BRDT: variants seen among roughly 807,000 people sequenced by gnomAD.
BRDT encodes bromodomain testis-specific protein.
A neutral mutation model predicts 113.9 loss-of-function variants in BRDT; 77 were observed. That is an observed-to-expected ratio of 0.68 (90% CI 0.56 to 0.82). The LOEUF is 0.82. Among genes scored for constraint, BRDT ranks in the 40% least tolerant of loss-of-function variants. The pLI, the probability that BRDT is intolerant of heterozygous loss-of-function variation, is 0.00. For missense variants in BRDT, 1,027 were observed against 1,105.4 expected, an observed-to-expected ratio of 0.93 and a Z score of 1.01; for synonymous variants, 358 against 366.5, an observed-to-expected ratio of 0.98 and a Z score of 0.26.
At chr1:92,000,998 A>G (rs1336456097) in intron 15 of BRDT, among the ~76,000 whole-genome samples, 2 of 152,216 alleles carry the variant, frequency 1.3e-5, no homozygotes, top group African/African-American at 4.8e-5. Context: ...CCTCAGAGTC[A>G]GACTTACTGC....
intron 18 of BRDT, among the ~76,000 whole-genome samples, chr1:92,011,905 CTTGACCAAACTT>C (rs1687830911): frequency 6.6e-6 from 1 of 152,186 alleles, no homozygotes. Flanking sequence ...TGCCAGTTAC[CTTGACCAAACTT>C]TTGATCTTAA....
At chr1:91,993,996 A>T (rs1416207079) in intron 14 of BRDT, 87 bp from the exon 15 acceptor site, 1 of 1,075,620 alleles carries the variant, frequency 9.3e-7, no homozygotes, top group African/African-American at 1.6e-5. Flanking sequence ...GCATTAAATT[A>T]TATTCTTGAC....
chr1:91,972,831 C>G (rs1194942341), intron 4 of BRDT, among the ~76,000 whole-genome samples: 2 of 152,154 alleles, frequency 1.3e-5, no homozygotes, highest in African/African-American at 4.8e-5. Context: ...ACAACTCAGA[C>G]ATTGAGGAAT....
chr1:91,994,747 A>G (rs1310432771), intron 15 of BRDT, among the ~76,000 whole-genome samples: 3 of 150,086 alleles, frequency 2.0e-5, no homozygotes, highest in Admixed American at 6.6e-5. Flanking sequence ...GGGCGCCTGT[A>G]GTCCCAGCTA....
chr1:92,004,311 G>A (rs1687098243), intron 16 of BRDT, 103 bp from the exon 17 acceptor site: 1 of 709,828 alleles, frequency 1.4e-6, no homozygotes, highest in Non-Finnish European at 2.3e-6. Flanking sequence ...AAGCCCTTTA[G>A]AATCTTAATT....
At position 91,991,193 on chromosome 1, in the gene BRDT, C is replaced by A; in HGVS notation, c.2012C>A (p.Pro671His). 6.5e-7 allele frequency: 1 copy of A among 1,534,760 alleles called. No homozygotes were observed. Among genetic ancestry groups the A allele is most frequent in the South Asian group, 1.2e-5 (1 of 85,022 alleles). The change falls in exon 13 of 19, where the codon CCT becomes CAT. Residue 671 changes from proline (P) to histidine (H), a missense_variant. Physicochemically the swap from Pro to His is moderately conservative, Grantham distance 77. Transcript: ENST00000399546. ...DSSDSESEMF[P>H]KFTEVKPNDS... ...GTGTATACATTTGCAGAAATGTTCC[C>A]TAAGTTTACAGAAGTAAAACCAAAT...
chr1:91,961,463 C>G (rs2101557386), intron 1 of BRDT, among the ~76,000 whole-genome samples: 1 of 152,168 alleles, frequency 6.6e-6, no homozygotes. Context: ...AACCCTGTCT[C>G]TACAAAAAAA....
rs1686285206 is a variant in BRDT at position 91,995,926 on chromosome 1, C to T, written c.2287+1672C>T. 2.6e-5 allele frequency among the ~76,000 whole-genome samples: 4 copies of T among 152,150 alleles called. No individual in the cohort carries two copies. In the South Asian group the frequency reaches 8.3e-4, roughly 32 times the overall value. ...TCTGTGTTTGAATATTCCATTTTGT[C>T]TTTAATTAAAGTTATATCTCTTCAT... On this transcript the variant is annotated intron_variant, in intron 15 of 18. Transcript: ENST00000399546.
chr1:91,979,116 C>CTT (rs77923577), intron 7 of BRDT, among the ~76,000 whole-genome samples: 189 of 138,412 alleles, frequency 1.4e-3, no homozygotes, highest in African/African-American at 4.2e-3. Context: ...AAGCATGAGT[C>CTT]TTTTTTTTTT....
chr1:91,966,052 A>G (rs1396065584), intron 3 of BRDT, among the ~76,000 whole-genome samples: 2 of 151,886 alleles, frequency 1.3e-5, no homozygotes, highest in Non-Finnish European at 2.9e-5. Flanking sequence ...ATTTTTTGAG[A>G]TGGAGTCTCG....
intron 4 of BRDT, among the ~76,000 whole-genome samples, chr1:91,974,007 A>G (rs1235351824): frequency 6.6e-6 from 1 of 152,222 alleles, no homozygotes; most frequent in Non-Finnish European, 1.5e-5. Flanking sequence ...CTGATCTTTG[A>G]CAAACCTGAC....
chr1:91,975,289 AT>A (rs200394899), intron 4 of BRDT, among the ~76,000 whole-genome samples: 7 of 151,628 alleles, frequency 4.6e-5, no homozygotes, highest in East Asian at 1.9e-4. Context: ...AATAAAAAAA[AT>A]TTTAAAAAAA....
chr1:92,002,172 A>C, intron 16 of BRDT, 23 bp downstream of exon 16: 1 of 1,540,824 alleles, frequency 6.5e-7, no homozygotes, highest in Non-Finnish European at 9.0e-7. Flanking sequence ...TTTTTTTTCT[A>C]ACAAATCTTG....
At chr1:91,956,768 G>A (rs895646678) in intron 1 of BRDT, among the ~76,000 whole-genome samples, 1 of 151,960 alleles carries the variant, frequency 6.6e-6, no homozygotes, top group African/African-American at 2.4e-5. Context: ...TGAGACTCTG[G>A]CTCCCCCCCT....
At chr1:91,986,645 C>CT (rs1570567598) in intron 12 of BRDT, among the ~76,000 whole-genome samples, 1 of 151,978 alleles carries the variant, frequency 6.6e-6, no homozygotes, top group East Asian at 1.9e-4. Flanking sequence ...ACATTTGTTT[C>CT]TTTTTTTAAA....
intron 13 of BRDT, among the ~76,000 whole-genome samples, chr1:91,991,758 C>T (rs1017794078): frequency 3.3e-5 from 5 of 151,968 alleles, no homozygotes; most frequent in Admixed American, 1.3e-4. Context: ...TTTGGGAGGC[C>T]GAGGCGGGCA....
intron 4 of BRDT, among the ~76,000 whole-genome samples, chr1:91,972,543 T>C (rs1252075692): frequency 6.6e-6 from 1 of 152,226 alleles, no homozygotes. Flanking sequence ...TAAAATGGTG[T>C]CCAACACGCA....
intron 4 of BRDT, among the ~76,000 whole-genome samples, chr1:91,973,113 AAT>A (rs1683783539): frequency 6.6e-6 from 1 of 152,188 alleles, no homozygotes; most frequent in African/African-American, 2.4e-5. Flanking sequence ...AGGCAAAACA[AAT>A]AGTCTGCTTC....
rs2101811812 is a variant in BRDT at position 92,005,258 on chromosome 1, T to G, written c.2734T>G (p.Leu912Val). 1 of 1,582,002 alleles carries G rather than the reference T, an allele frequency of 6.3e-7. No individual in the cohort carries two copies. Reference protein sequence around the residue: ...SKLWLLKDRDLARQKEQERRR... With the variant: ...SKLWLLKDRDVARQKEQERRR... The stretch of plus-strand genomic sequence containing the variant: ...ACTCTGGCTTCTCAAAGACCGTGAT[T>G]TAGCAAGGCAGAAAGAACAAGAGAG... Residue 912 changes from leucine (L) to valine (V), a missense_variant, in exon 18 of 19, where the codon TTA becomes GTA. By Grantham distance (32) the Leu-to-Val change is conservative. Coordinates refer to ENST00000399546, the MANE Select transcript of BRDT (RefSeq NM_207189.4).
Sources: allele counts gnomAD v4.1 joint callset (sites outside exome capture counted in the v4.1 genomes callset), GRCh38; gene constraint gnomAD v4.1.1; transcripts MANE v1.5; gene names NCBI Gene and HGNC (gene_info 2026-07-23, HGNC 2026-07-21).